The following ESYT2 variants were observed in gnomAD, a reference collection of about 807,000 sequenced individuals.
ESYT2 encodes extended synaptotagmin-2.
ESYT2 carries 54 observed loss-of-function variants against 107.2 expected under a neutral mutation model. The observed-to-expected ratio is 0.50, with a 90% CI of 0.40 to 0.63. ESYT2 has a LOEUF of 0.63. ESYT2 is among the 30% of genes least tolerant of loss of function. The pLI is 0.00. For synonymous variants in ESYT2, 491 were observed against 434.1 expected (o/e 1.13, Z -1.63); for missense variants, 1,020 against 1,094.5 (o/e 0.93, Z 0.96).
chr7:158,826,783 T>C (rs1255823623), intron 1 of ESYT2, among the ~76,000 whole-genome samples: 1 of 133,820 alleles, frequency 7.5e-6, no homozygotes, highest in Non-Finnish European at 1.5e-5. Context: ...ATGGTGCCAC[T>C]GCACTTCAGC....
chr7:158,788,272 A>G (rs571624090), intron 5 of ESYT2, 73 bp downstream of exon 5: 3 of 1,437,466 alleles, frequency 2.1e-6, no homozygotes, highest in African/African-American at 2.9e-5. Context: ...AAAACTTCCT[A>G]ATTTTATTTT....
At chr7:158,783,734 A>C (rs1839009425) in intron 6 of ESYT2, among the ~76,000 whole-genome samples, 1 of 152,252 alleles carries the variant, frequency 6.6e-6, no homozygotes. Flanking sequence ...TGGGTGAGTC[A>C]GAGAACCACA....
At chr7:158,740,992 T>G (rs1837177033) in intron 18 of ESYT2, among the ~76,000 whole-genome samples, 1 of 151,974 alleles carries the variant, frequency 6.6e-6, no homozygotes. Flanking sequence ...ACAGACAACT[T>G]TTTCCTCCGT....
intron 1 of ESYT2, among the ~76,000 whole-genome samples, chr7:158,799,311 CAG>C (rs1182825026): frequency 1.3e-5 from 2 of 152,226 alleles, no homozygotes; most frequent in African/African-American, 2.4e-5. Context: ...AAAATGCCAT[CAG>C]AGTCTTCTCT....
At position 158,773,400 on chromosome 7, in the gene ESYT2, T is replaced by C; in HGVS notation, c.748-4A>G. The C allele has an allele frequency of 1.2e-6, 2 of 1,614,072 alleles. No homozygotes were observed. Among genetic ancestry groups the C allele is most frequent in the Non-Finnish European group, 1.7e-6 (2 of 1,179,978 alleles). On this transcript the variant is annotated splice_region_variant and splice_polypyrimidine_tract_variant and intron_variant, in intron 6 of 22. Transcript: ENST00000275418. ...CTGTCCAGTTAATTTCTAAAAGCTG[T>C]TTTAAAACAAGGGCAAAATATTAAG... is the stretch of plus-strand genomic sequence containing the variant.
chr7:158,771,017 GA>G (rs1346531995), intron 7 of ESYT2, among the ~76,000 whole-genome samples: 3 of 152,042 alleles, frequency 2.0e-5, no homozygotes, highest in African/African-American at 7.2e-5. Context: ...AAAATAGCTA[GA>G]AATGACTACT....
chr7:158,798,851 A>T (rs1839550802), intron 2 of ESYT2, among the ~76,000 whole-genome samples, 180 bp downstream of exon 2: 1 of 152,098 alleles, frequency 6.6e-6, no homozygotes, highest in African/African-American at 2.4e-5. Flanking sequence ...GACAGTTCTC[A>T]CTCTCTGGAA....
intron 1 of ESYT2, among the ~76,000 whole-genome samples, chr7:158,817,200 C>T (rs1456548505): frequency 6.6e-6 from 1 of 152,194 alleles, no homozygotes; most frequent in Non-Finnish European, 1.5e-5. Flanking sequence ...ATCGGACACA[C>T]CTCATTACCA....
At chr7:158,753,448 A>AT (rs1323571206) in intron 13 of ESYT2, among the ~76,000 whole-genome samples, 1 of 151,926 alleles carries the variant, frequency 6.6e-6, no homozygotes, top group Non-Finnish European at 1.5e-5. Flanking sequence ...ACTTTTATTG[A>AT]TTTTTTTCCA....
In ESYT2 at chr7:158,772,230, G is replaced by A. The variant is rs139702022; in HGVS notation, c.803+1111C>T. Among the ~76,000 whole-genome samples the A allele has an allele frequency of 7.1e-4, 108 of 152,024 alleles. 1 individual carries two copies. Among genetic ancestry groups the A allele is most frequent in the African/African-American group, 2.6e-3 (107 of 41,480 alleles). ...ACTCTTTAACCAATCTTTTAAAGTT[G>A]TGCTTTCTTTCCGCAGATCTTTTAA... is the stretch of plus-strand genomic sequence containing the variant. On this transcript the variant is annotated intron_variant, in intron 7 of 22. Transcript: ENST00000275418.
intron 6 of ESYT2, among the ~76,000 whole-genome samples, chr7:158,778,804 G>A (rs1036577373): frequency 1.3e-5 from 2 of 151,126 alleles, no homozygotes; most frequent in African/African-American, 4.9e-5. Context: ...GTATAAAGGT[G>A]CTATGTAAAA....
intron 8 of ESYT2, among the ~76,000 whole-genome samples, chr7:158,765,975 G>A (rs7788602): frequency 2.6e-5 from 4 of 151,840 alleles, no homozygotes; most frequent in Non-Finnish European, 4.4e-5. Flanking sequence ...CGAGGTGGGC[G>A]GATCATGAGG....
chr7:158,750,271 GT>G (rs1837538792), intron 14 of ESYT2, among the ~76,000 whole-genome samples: 1 of 151,906 alleles, frequency 6.6e-6, no homozygotes, highest in African/African-American at 2.4e-5. Flanking sequence ...ATAATCATCA[GT>G]TTAGAATCAT....
At chr7:158,756,914 T>TAAAA (rs201326042) in intron 13 of ESYT2, among the ~76,000 whole-genome samples, 3 of 98,802 alleles carry the variant, frequency 3.0e-5, no homozygotes, top group Admixed American at 1.0e-4. Flanking sequence ...CATCTCAAAT[T>TAAAA]AAAAAAAAAA....
intron 16 of ESYT2, among the ~76,000 whole-genome samples, chr7:158,746,789 T>C (rs1837415194): frequency 6.6e-6 from 1 of 152,086 alleles, no homozygotes; most frequent in Non-Finnish European, 1.5e-5. Context: ...TCCCAGCACT[T>C]GGGGAAGCAG....
At chr7:158,772,162 C>A (rs1475255244) in intron 7 of ESYT2, among the ~76,000 whole-genome samples, 2 of 151,900 alleles carry the variant, frequency 1.3e-5, no homozygotes, top group Non-Finnish European at 2.9e-5. Context: ...CTACTTAAGA[C>A]CACTTAAGTC....
At chr7:158,749,921 C>T (rs1392002829) in intron 14 of ESYT2, among the ~76,000 whole-genome samples, 198 bp from the exon 15 acceptor site, 1 of 152,184 alleles carries the variant, frequency 6.6e-6, no homozygotes, top group African/African-American at 2.4e-5. Context: ...TTCATTTGCA[C>T]ACAAATTTTA....
rs113579393 is a variant in ESYT2, at chr7:158,829,377, G to C, written c.42C>G (p.Gly14=). 6.0e-5 allele frequency: 76 copies of C among 1,264,796 alleles called. No individual in the cohort carries two copies. The highest frequency in any genetic ancestry group is 7.4e-5 in the Non-Finnish European group (75 of 1,012,178). The allele number at this position is 1,264,796 out of a possible 1,614,324, so 78.3% of individuals were successfully genotyped here. ...CAGGCGCCGCGCGGCCCCCAGCCCC[G>C]CCGGCGCCCGCCTCCGGGCCCTCGC... is the stretch of plus-strand genomic sequence containing the variant. ...ARGEGPEAGA[G]GAGGRAAPEN... is the part of the protein sequence containing the mutation. The change falls in exon 1 of 23, where the codon GGC becomes GGG. Residue 14 remains glycine (G), a synonymous_variant. Transcript: ENST00000275418.
chr7:158,807,005 T>C (rs1839849570), intron 1 of ESYT2, among the ~76,000 whole-genome samples: 1 of 151,900 alleles, frequency 6.6e-6, no homozygotes, highest in Non-Finnish European at 1.5e-5. Context: ...ATATACATAG[T>C]ATATATAGTT....
Sources: allele counts gnomAD v4.1 joint callset (sites outside exome capture counted in the v4.1 genomes callset), GRCh38; gene constraint gnomAD v4.1.1; transcripts MANE v1.5; gene names NCBI Gene and HGNC (gene_info 2026-07-23, HGNC 2026-07-21).